TTC39C: variants seen among roughly 807,000 people sequenced by gnomAD.
The protein encoded by TTC39C is tetratricopeptide repeat protein 39C.
Under a neutral mutation model 76.3 loss-of-function variants are expected in TTC39C, and 33 were observed. That is an observed-to-expected ratio of 0.43 (90% CI 0.33 to 0.58). The LOEUF is 0.58. Ranked by LOEUF, TTC39C falls within the 20% of genes least tolerant of loss-of-function variation. TTC39C has a pLI of 0.04. For missense variants in TTC39C, 595 were observed against 701.4 expected, an observed-to-expected ratio of 0.85 and a Z score of 1.71; for synonymous variants, 254 against 260.6, an observed-to-expected ratio of 0.97 and a Z score of 0.24.
At chr18:24,085,047 T>C (rs1016437455) in intron 6 of TTC39C, among the ~76,000 whole-genome samples, 1 of 152,228 alleles carries the variant, frequency 6.6e-6, no homozygotes, top group African/African-American at 2.4e-5. Context: ...TTGAACACGA[T>C]GCTACAGGGT....
chr18:24,079,954 A>G (rs1439514031), intron 4 of TTC39C, among the ~76,000 whole-genome samples: 1 of 72,268 alleles, frequency 1.4e-5, no homozygotes, highest in East Asian at 3.0e-4. Flanking sequence ...GGTGTGCACT[A>G]CCACACCTGG....
chr18:24,008,034 G>A (rs1293212076), intron 1 of TTC39C, among the ~76,000 whole-genome samples: 1 of 152,168 alleles, frequency 6.6e-6, no homozygotes, highest in Non-Finnish European at 1.5e-5. Context: ...TGGGGAAATT[G>A]AGGCTGAAAG....
chr18:24,014,179 C>T (rs539132868), upstream of TTC39C, among the ~76,000 whole-genome samples: 582 of 152,350 alleles, frequency 3.8e-3, 3 homozygotes, highest in African/African-American at 0.014. Flanking sequence ...TAGGGGGCGG[C>T]CCCAGGGTCG....
In TTC39C at chr18:24,097,186, A is replaced by G. The variant is rs529324456; in HGVS notation, c.984+14105A>G. ...CTAACTTTCTTAAAACAATCTCATAAGTAGCAGATGTTATCATTCTTTGTC... is the reference window on the plus strand; with the variant it reads ...CTAACTTTCTTAAAACAATCTCATAGGTAGCAGATGTTATCATTCTTTGTC... On this transcript the variant is annotated intron_variant, in intron 6 of 13. Coordinates refer to ENST00000317571, the MANE Select transcript of TTC39C (RefSeq NM_001135993.2). Among the ~76,000 whole-genome samples, 10 of 152,354 alleles carry G rather than the reference A, an allele frequency of 6.6e-5. No homozygotes were observed. The South Asian group carries it at 1.2e-3, about 19-fold the overall frequency.
At chr18:24,041,476 T>G (rs1394477999) in intron 1 of TTC39C, among the ~76,000 whole-genome samples, 1 of 152,010 alleles carries the variant, frequency 6.6e-6, no homozygotes, top group African/African-American at 2.4e-5. Context: ...GGGCCAAGAG[T>G]GTCATTTGCC....
intron 13 of TTC39C, 33 bp downstream of exon 13, chr18:24,131,953 C>G: frequency 1.2e-6 from 2 of 1,600,552 alleles, no homozygotes; most frequent in Non-Finnish European, 1.7e-6. Context: ...TCTCCAGTGG[C>G]CCTTCTTATC....
chr18:24,051,483 G>A (rs889861612), intron 1 of TTC39C, among the ~76,000 whole-genome samples: 2 of 152,162 alleles, frequency 1.3e-5, no homozygotes, highest in African/African-American at 2.4e-5. Context: ...AGCTGGTGGT[G>A]GCTACAGACT....
chr18:24,120,462 C>G (rs558331292), intron 8 of TTC39C, among the ~76,000 whole-genome samples: 4 of 152,358 alleles, frequency 2.6e-5, no homozygotes, highest in Admixed American at 6.5e-5. Flanking sequence ...ACCCCAAACA[C>G]TGCCACCAGG....
In TTC39C at chr18:24,107,150, G is replaced by C. The variant is rs543047896; in HGVS notation, c.985-7404G>C. Among the ~76,000 whole-genome samples the C allele has an allele frequency of 8.5e-5, 13 of 152,268 alleles. 1 individual carries two copies. In the South Asian group the frequency reaches 2.3e-3, roughly 27 times the overall value. On this transcript the variant is annotated intron_variant, in intron 6 of 13. Coordinates refer to ENST00000317571, the MANE Select transcript of TTC39C (RefSeq NM_001135993.2). The stretch of plus-strand genomic sequence containing the variant: ...GGTGCCTGAATGGGTGTCACCAGTG[G>C]ATGGTCAAATTAAGACCTCATGAAT...
intron 8 of TTC39C, among the ~76,000 whole-genome samples, chr18:24,120,725 A>G (rs1393303938): frequency 1.3e-5 from 2 of 152,122 alleles, no homozygotes; most frequent in East Asian, 3.8e-4. Flanking sequence ...CCTGGTTACC[A>G]CGCTTCTACT....
chr18:24,050,563 C>CAA lies in TTC39C; in HGVS notation c.168-13555_168-13554dup, dbSNP rs67885761. Among the ~76,000 whole-genome samples the CAA allele has an allele frequency of 8.4e-3, 644 of 76,420 alleles. 10 individuals are homozygous for CAA. Among genetic ancestry groups the CAA allele is most frequent in the Middle Eastern group, 0.03 (3 of 100 alleles). 50.1% of individuals were successfully genotyped at this position (76,420 alleles called of 152,430 possible). On this transcript the variant is annotated intron_variant, in intron 1 of 13. Coordinates refer to ENST00000317571, the MANE Select transcript of TTC39C (RefSeq NM_001135993.2). ...TGGGTGACAAAGCAAGACCCTGTCT[C>CAA]AAAAAAAAAAAAAAAAAAAAAAAGT...
At chr18:24,106,921 G>A (rs1342059223) in intron 6 of TTC39C, among the ~76,000 whole-genome samples, 2 of 152,224 alleles carry the variant, frequency 1.3e-5, no homozygotes, top group African/African-American at 2.4e-5. Flanking sequence ...CTGACCTCAA[G>A]TGATCAGCCT....
Position 24,118,153 on chromosome 18 carries a change from C to T in TTC39C, c.1107C>T (p.Phe369=). 2 of 1,613,892 alleles carry T rather than the reference C, an allele frequency of 1.2e-6. No homozygotes were observed. Among genetic ancestry groups the T allele is most frequent in the East Asian group, 2.2e-5 (1 of 44,872 alleles). ...GGTGCAGCATGATAGAGCTCAATTT[C>T]AAGGATGCATTTGATTCCTTTGAGA... The part of the protein sequence containing the change: ...IGWCSMIELN[F]KDAFDSFERL... The change falls in exon 8 of 14, where the codon TTC becomes TTT. Residue 369 remains phenylalanine, a synonymous_variant. Transcript: ENST00000317571.
At chr18:24,014,087 CG>C (rs1193234548), upstream of TTC39C, among the ~76,000 whole-genome samples, 3 of 152,252 alleles carry the variant, frequency 2.0e-5, no homozygotes, top group Admixed American at 6.5e-5. Flanking sequence ...TCCCGCAGCG[CG>C]GGGCTCCGGG....
intron 1 of TTC39C, among the ~76,000 whole-genome samples, chr18:24,032,227 C>T (rs2083680089): frequency 6.6e-6 from 1 of 152,202 alleles, no homozygotes; most frequent in African/African-American, 2.4e-5. Context: ...GAATACATTT[C>T]TCTTGTTTTC....
chr18:24,002,962 T>C (rs900684090), intron 1 of TTC39C, among the ~76,000 whole-genome samples: 3 of 152,284 alleles, frequency 2.0e-5, no homozygotes, highest in African/African-American at 7.2e-5. Flanking sequence ...TCATATTAAT[T>C]TAAATCCATA....
rs200341803 is a variant in TTC39C at position 24,066,178 on chromosome 18, C to T, written c.345+38C>T. On this transcript the variant is annotated intron_variant, in intron 3 of 13. Transcript: ENST00000317571. ...GCTTTAGGTTGTGGACTGTGTGCCA[C>T]TTATTTAGAATATCACTTTTGTTCA... is the stretch of plus-strand genomic sequence containing the variant. 1.1e-5 allele frequency: 17 copies of T among 1,552,272 alleles called. No homozygotes were observed. The East Asian group carries it at 3.9e-4, about 35-fold the overall frequency.
In TTC39C at chr18:24,069,200, A is replaced by G; in HGVS notation, c.389A>G (p.Gln130Arg). ...KSAPSMVDRL[Q>R]RQIIIADCQV... ...GCCCCCTCTATGGTTGATCGGCTTC[A>G]GAGGCAGATAATCATAGCTGACTGC... is the stretch of plus-strand genomic sequence containing the variant. The change falls in exon 4 of 14, where the codon CAG (glutamine) becomes CGG (arginine). Residue 130 changes from glutamine to arginine, a missense_variant. Coordinates refer to ENST00000317571, the MANE Select transcript of TTC39C (RefSeq NM_001135993.2). 1 of 1,614,168 alleles carries G rather than the reference A, an allele frequency of 6.2e-7. No homozygotes were observed. Among genetic ancestry groups the G allele is most frequent in the Non-Finnish European group, 8.5e-7 (1 of 1,179,966 alleles).
rs531793232 is a variant in TTC39C at position 24,053,674 on chromosome 18, A to G, written c.168-10466A>G. On this transcript the variant is annotated intron_variant, in intron 1 of 13. Transcript: ENST00000317571. The stretch of plus-strand genomic sequence containing the variant: ...CAGTGTATTCAAGTTAGAGAACTTG[A>G]GATATAGAACAGTAAAAATGAGCCG... Among the ~76,000 whole-genome samples the G allele has an allele frequency of 2.0e-4, 31 of 152,348 alleles. 1 individual carries two copies. In the South Asian group the frequency reaches 5.2e-3, roughly 25 times the overall value.
Sources: allele counts gnomAD v4.1 joint callset (sites outside exome capture counted in the v4.1 genomes callset), GRCh38; gene constraint gnomAD v4.1.1; transcripts MANE v1.5; gene names NCBI Gene and HGNC (gene_info 2026-07-23, HGNC 2026-07-21).